AGTPBP1: variants seen among roughly 807,000 people sequenced by gnomAD.
The protein encoded by AGTPBP1 is cytosolic carboxypeptidase 1.
AGTPBP1 carries 70 observed loss-of-function variants against 143.9 expected under a neutral mutation model. The ratio of observed to expected loss-of-function variants is 0.49; its 90% CI spans 0.40 to 0.59. AGTPBP1 has a LOEUF of 0.59. AGTPBP1 is among the 20% of genes least tolerant of loss of function. The pLI, the probability that AGTPBP1 is intolerant of heterozygous loss-of-function variation, is 0.00. For missense variants in AGTPBP1, 1,229 were observed against 1,464.5 expected (o/e 0.84, Z 2.62); for synonymous variants, 463 against 500.2 (o/e 0.93, Z 0.99).
At chr9:85,606,136 T>C (rs890191106) in intron 17 of AGTPBP1, among the ~76,000 whole-genome samples, 9 of 152,040 alleles carry the variant, frequency 5.9e-5, no homozygotes, top group African/African-American at 2.2e-4. Flanking sequence ...GGAGAAAATA[T>C]TTACAATCTA....
At chr9:85,668,529 T>C in intron 8 of AGTPBP1, among the ~76,000 whole-genome samples, 1 of 152,214 alleles carries the variant, frequency 6.6e-6, no homozygotes, top group East Asian at 1.9e-4. Context: ...TTTTAAGTCC[T>C]TATTTAGTAG....
chr9:85,630,854 A>T (rs1159220461), intron 14 of AGTPBP1, among the ~76,000 whole-genome samples: 1 of 152,088 alleles, frequency 6.6e-6, no homozygotes, highest in Non-Finnish European at 1.5e-5. Context: ...TGATTAAGCA[A>T]TCCAAACTCT....
At chr9:85,577,717 T>TTAC (rs959060389) in intron 24 of AGTPBP1, among the ~76,000 whole-genome samples, 2 of 152,218 alleles carry the variant, frequency 1.3e-5, no homozygotes, top group Non-Finnish European at 2.9e-5. Context: ...AATTTCTACT[T>TTAC]TACTACTACT....
the AGTPBP1 span, among the ~76,000 whole-genome samples, chr9:85,763,085 G>T: frequency 9.2e-5 from 14 of 151,944 alleles, no homozygotes; most frequent in African/African-American, 2.9e-4. Context: ...TTAAACTCAT[G>T]AGGAAAATTA....
At chr9:85,691,999 G>C (rs577459926) in intron 3 of AGTPBP1, among the ~76,000 whole-genome samples, 6 of 152,208 alleles carry the variant, frequency 3.9e-5, no homozygotes, top group African/African-American at 1.4e-4. Context: ...ATACATCTTA[G>C]AAATTCAATA....
chr9:85,647,672 G>C (rs1043221137), intron 11 of AGTPBP1, among the ~76,000 whole-genome samples: 1 of 152,182 alleles, frequency 6.6e-6, no homozygotes, highest in Non-Finnish European at 1.5e-5. Flanking sequence ...CCACTTCACA[G>C]AATAGGTGAT....
intron 2 of AGTPBP1, among the ~76,000 whole-genome samples, chr9:85,705,081 C>T (rs1472466110): frequency 6.6e-6 from 1 of 151,794 alleles, no homozygotes; most frequent in Non-Finnish European, 1.5e-5. Flanking sequence ...AAGACATATA[C>T]ATTTCATTGA....
At chr9:85,585,826 G>C (rs531075802) in intron 22 of AGTPBP1, among the ~76,000 whole-genome samples, 1 of 152,080 alleles carries the variant, frequency 6.6e-6, no homozygotes, top group East Asian at 1.9e-4. Flanking sequence ...TATCATCTTT[G>C]TATTTACTAT....
the AGTPBP1 span, among the ~76,000 whole-genome samples, chr9:85,797,717 G>GC: frequency 6.6e-6 from 1 of 151,670 alleles, no homozygotes; most frequent in African/African-American, 2.4e-5. Flanking sequence ...TAGCTGATGA[G>GC]CTAAAAAAAA....
At chr9:85,670,619 C>A (rs1047539387) in intron 7 of AGTPBP1, among the ~76,000 whole-genome samples, 1 of 152,138 alleles carries the variant, frequency 6.6e-6, no homozygotes, top group Non-Finnish European at 1.5e-5. Flanking sequence ...GTCTTAGCTG[C>A]TTGGGAGGCT....
At chr9:85,795,856 GTTTT>G in the AGTPBP1 span, among the ~76,000 whole-genome samples, 1 of 70,670 alleles carries the variant, frequency 1.4e-5, no homozygotes, top group African/African-American at 5.5e-5. Context: ...CTTCTTCTTA[GTTTT>G]TTTTTTTTTT....
intron 2 of AGTPBP1, among the ~76,000 whole-genome samples, chr9:85,710,332 A>C (rs568409770): frequency 2.1e-4 from 32 of 152,284 alleles, no homozygotes; most frequent in Middle Eastern, 3.4e-3. Context: ...GGAAGAAATC[A>C]AAGACAGTAT....
At chr9:85,612,884 T>G (rs911794177) in intron 17 of AGTPBP1, among the ~76,000 whole-genome samples, 2 of 144,868 alleles carry the variant, frequency 1.4e-5, no homozygotes, top group African/African-American at 2.5e-5. Flanking sequence ...AAAAACAGGT[T>G]TTTTTTTTTT....
At chr9:85,690,380 C>A (rs1281982180) in intron 3 of AGTPBP1, among the ~76,000 whole-genome samples, 1 of 152,192 alleles carries the variant, frequency 6.6e-6, no homozygotes, top group East Asian at 1.9e-4. Context: ...ATATTATACA[C>A]CCCAAGGGAC....
chr9:85,609,394 G>GA lies in AGTPBP1; in HGVS notation c.2335+9588dup, dbSNP rs528761827. On this transcript the variant is annotated intron_variant, in intron 17 of 25. Transcript: ENST00000357081. ...CAACCTCCACCTCCCAGGTTCAAGC[G>GA]ATTCTCCTGCCTCAGCCTCCCAGGT... Among the ~76,000 whole-genome samples the GA allele has an allele frequency of 2.1e-3, 311 of 151,270 alleles. 1 individual carries two copies. Among genetic ancestry groups the GA allele is most frequent in the Non-Finnish European group, 3.5e-3 (239 of 67,894 alleles).
At position 85,637,088 on chromosome 9, in the gene AGTPBP1, C is replaced by T. The variant is rs559800865; in HGVS notation, c.1303-3714G>A. 6.1e-5 allele frequency among the ~76,000 whole-genome samples: 9 copies of T among 146,900 alleles called. No homozygotes were observed. In the South Asian group the frequency reaches 6.5e-4, roughly 11 times the overall value. On this transcript the variant is annotated intron_variant, in intron 13 of 25. Transcript: ENST00000357081. Reference sequence around the variant, plus strand: ...CAGAGTTTCGCTCTTGTTGCCCAGGCTGGAGTGCAATGGCATGATCTCAGC... The same window carrying T: ...CAGAGTTTCGCTCTTGTTGCCCAGGTTGGAGTGCAATGGCATGATCTCAGC...
At chr9:85,643,004 C>A in intron 12 of AGTPBP1, 61 bp from the exon 13 acceptor site, 1 of 1,084,720 alleles carries the variant, frequency 9.2e-7, no homozygotes, top group Non-Finnish European at 1.4e-6. Context: ...TTACAGAAAA[C>A]ATTTTAGATT....
the AGTPBP1 span, chr9:85,756,167 A>G: frequency 6.2e-7 from 1 of 1,612,806 alleles, no homozygotes; most frequent in Non-Finnish European, 8.5e-7. Context: ...AGACTTAAAG[A>G]AACGGGAGGC....
At chr9:85,726,897 A>G (rs546692093) in intron 1 of AGTPBP1, among the ~76,000 whole-genome samples, 3 of 152,344 alleles carry the variant, frequency 2.0e-5, no homozygotes, top group Admixed American at 6.5e-5. Flanking sequence ...AGAATCTACT[A>G]TAAGTATAAT....
Sources: allele counts gnomAD v4.1 joint callset (sites outside exome capture counted in the v4.1 genomes callset), GRCh38; gene constraint gnomAD v4.1.1; transcripts MANE v1.5; gene names NCBI Gene and HGNC (gene_info 2026-07-23, HGNC 2026-07-21).